MGST2: variants seen among roughly 807,000 people sequenced by gnomAD.
MGST2 encodes the protein glutathione peroxidase MGST2.
Under a neutral mutation model 16.6 loss-of-function variants are expected in MGST2, and 9 were observed. The ratio of observed to expected loss-of-function variants is 0.54; its 90% confidence interval spans 0.33 to 0.95. MGST2 has a LOEUF of 0.95. Ranked by LOEUF, MGST2 falls within the 40% of genes least tolerant of loss-of-function variation. MGST2 has a pLI of 0.03. For missense variants in MGST2, 159 were observed against 175.1 expected (o/e 0.91, Z 0.52); for synonymous variants, 79 against 68.0 (o/e 1.16, Z -0.79).
At chr4:139,739,222 C>G (rs1405719357) in intron 5 of MGST2, among the ~76,000 whole-genome samples, 2 of 152,216 alleles carry the variant, frequency 1.3e-5, no homozygotes, top group Admixed American at 6.5e-5. Context: ...AGCTCCTGAG[C>G]TGACCCTCTG....
chr4:139,705,096 G>A (rs1343799278), downstream of MGST2, among the ~76,000 whole-genome samples: 1 of 152,098 alleles, frequency 6.6e-6, no homozygotes, highest in Non-Finnish European at 1.5e-5. Context: ...ACCCAGGCCG[G>A]AGCCTCCAAC....
At chr4:139,720,333 A>C (rs1179721915) in intron 5 of MGST2, 1 of 1,517,456 alleles carries the variant, frequency 6.6e-7, no homozygotes, top group Admixed American at 2.2e-5. Context: ...CCTGCAGTGA[A>C]AAAGAGGACA....
chr4:139,719,887 G>C, intron 5 of MGST2: 1 of 1,613,994 alleles, frequency 6.2e-7, no homozygotes, highest in East Asian at 2.2e-5. Context: ...TTCCCATAAG[G>C]CTCTGCAGCC....
At chr4:139,738,143 T>C (rs1489028841) in intron 5 of MGST2, among the ~76,000 whole-genome samples, 1 of 152,256 alleles carries the variant, frequency 6.6e-6, no homozygotes, top group Non-Finnish European at 1.5e-5. Flanking sequence ...TTGTGGTTGT[T>C]ATTCTTACTG....
chr4:139,670,047 G>A (rs1730588633), intron 1 of MGST2, among the ~76,000 whole-genome samples: 1 of 152,092 alleles, frequency 6.6e-6, no homozygotes, highest in South Asian at 2.1e-4. Context: ...AGGTCTGAGG[G>A]AGGAGACGGC....
At chr4:139,751,936 A>T in the MGST2 span, among the ~76,000 whole-genome samples, 2 of 152,220 alleles carry the variant, frequency 1.3e-5, no homozygotes, top group African/African-American at 4.8e-5. Context: ...ACCTCCAAGG[A>T]GCCTCCATAT....
Position 139,703,535 on chromosome 4 carries a change from CG to C in MGST2, c.311+1del. Reference sequence around the variant, plus strand: ...GGGATATTCAGAAGCTGCTAAAAAACGGTAAGGAGAACCCAGTAATTTTGTA... The same window carrying C: ...GGGATATTCAGAAGCTGCTAAAAAACGTAAGGAGAACCCAGTAATTTTGTA... Reference protein sequence around the residue: ...FWGYSEAAKKRITGFRLSLGI... With the variant: ...FWGYSEAAKKXITGFRLSLGI... On this transcript the variant is annotated frameshift_variant and splice_region_variant, in exon 4 of 5. Transcript: ENST00000265498. LOFTEE classifies it low-confidence loss of function (END_TRUNC). 1 of 1,613,262 alleles carries C rather than the reference CG, an allele frequency of 6.2e-7. No homozygotes were observed. The highest frequency in any genetic ancestry group is 2.2e-5 in the East Asian group (1 of 44,862).
intron 5 of MGST2, chr4:139,719,290 C>G: frequency 6.5e-7 from 1 of 1,530,042 alleles, no homozygotes; most frequent in South Asian, 1.3e-5. Flanking sequence ...AAGCTTTAAC[C>G]ACTCGAGTTG....
chr4:139,710,766 C>G (rs1271245820), intron 5 of MGST2, among the ~76,000 whole-genome samples: 1 of 152,124 alleles, frequency 6.6e-6, no homozygotes, highest in African/African-American at 2.4e-5. Context: ...TGTTTTGTGC[C>G]TAAATTTGAT....
chr4:139,709,071 ATTTTTTTT>A (rs377191495), downstream of MGST2, among the ~76,000 whole-genome samples: 30,186 of 80,404 alleles, frequency 0.38, 5,896 homozygotes, highest in South Asian at 0.54. Context: ...AATGGAAAAA[ATTTTTTTT>A]TTTTTTTTTT....
In MGST2 at chr4:139,735,241, T is replaced by C. The variant is rs1029539575; in HGVS notation, c.*49-4971T>C. On this transcript the variant is annotated intron_variant, in intron 5 of 5. Transcript: ENST00000616265. This position sits in a 1 kb window ranked among gnomAD's most constrained non-coding sequence, Gnocchi z 5.8. Reference sequence around the variant, plus strand: ...CGACAGCCTGAGACAATCCAGGAATTCCCTGGTGACTCGAGGCCCTCTTTG... The same window carrying C: ...CGACAGCCTGAGACAATCCAGGAATCCCCTGGTGACTCGAGGCCCTCTTTG... Among the ~76,000 whole-genome samples, 2 of 152,206 alleles carry C rather than the reference T, an allele frequency of 1.3e-5. No individual in the cohort carries two copies. Among genetic ancestry groups the C allele is most frequent in the African/African-American group, 4.8e-5 (2 of 41,448 alleles).
chr4:139,684,264 A>C (rs1347143916), intron 2 of MGST2, among the ~76,000 whole-genome samples: 1 of 152,176 alleles, frequency 6.6e-6, no homozygotes. Flanking sequence ...TCACTGTCAC[A>C]AGAATAGCAT....
intron 5 of MGST2, among the ~76,000 whole-genome samples, chr4:139,724,142 TC>T (rs1381382066): frequency 6.6e-6 from 1 of 152,232 alleles, no homozygotes; most frequent in Non-Finnish European, 1.5e-5. Context: ...CTTTTGTCCT[TC>T]CCTGTGTCAA....
At chr4:139,669,210 T>C (rs1579283105) in intron 1 of MGST2, among the ~76,000 whole-genome samples, 4 of 151,950 alleles carry the variant, frequency 2.6e-5, no homozygotes, top group Admixed American at 2.6e-4. Flanking sequence ...TCCATTTAGA[T>C]GGTTGGGGGG....
intron 5 of MGST2, among the ~76,000 whole-genome samples, chr4:139,739,428 T>C (rs1468644693): frequency 6.6e-6 from 1 of 152,242 alleles, no homozygotes; most frequent in Non-Finnish European, 1.5e-5. Context: ...AGAGTTATGC[T>C]TTTCGTCTGC....
intron 5 of MGST2, among the ~76,000 whole-genome samples, chr4:139,721,004 C>G (rs1728210882): frequency 6.6e-6 from 1 of 152,208 alleles, no homozygotes; most frequent in South Asian, 2.1e-4. Context: ...CAACATGCTC[C>G]AGATTCTCTG....
intron 2 of MGST2, among the ~76,000 whole-genome samples, chr4:139,684,030 A>G (rs1334672643): frequency 6.6e-6 from 1 of 150,586 alleles, no homozygotes; most frequent in Admixed American, 6.7e-5. Context: ...GGTTCAAGCA[A>G]TTCTTGTGCC....
downstream of MGST2, among the ~76,000 whole-genome samples, chr4:139,708,592 C>G (rs546182384): frequency 6.6e-6 from 1 of 152,098 alleles, no homozygotes; most frequent in Non-Finnish European, 1.5e-5. Flanking sequence ...TTTTCCAATT[C>G]TGTGAAGAAA....
chr4:139,707,128 G>A (rs922155966), downstream of MGST2, among the ~76,000 whole-genome samples: 19 of 151,868 alleles, frequency 1.3e-4, no homozygotes, highest in African/African-American at 4.1e-4. Context: ...GTATACATGT[G>A]CCATGTTGGT....
Sources: allele counts gnomAD v4.1 joint callset (sites outside exome capture counted in the v4.1 genomes callset), GRCh38; gene constraint gnomAD v4.1.1; non-coding constraint Gnocchi (gnomAD v3.1); transcripts MANE v1.5; gene names NCBI Gene and HGNC (gene_info 2026-07-23, HGNC 2026-07-21).